The following USP40 variants were observed in gnomAD, a reference collection of about 807,000 sequenced individuals.
The protein encoded by USP40 is ubiquitin specific peptidase 40.
A neutral mutation model predicts 166.2 loss-of-function variants in USP40; 143 were observed. The observed-to-expected ratio is 0.86, with a 90% confidence interval of 0.75 to 0.99. USP40 has a LOEUF of 0.99. Ranked by LOEUF, USP40 falls within the 50% of genes least tolerant of loss-of-function variation. USP40 has a pLI of 0.00. For missense variants in USP40, 1,444 were observed against 1,479.7 expected, an observed-to-expected ratio of 0.98 and a Z score of 0.40; for synonymous variants, 498 against 524.0, an observed-to-expected ratio of 0.95 and a Z score of 0.68.
intron 8 of USP40, among the ~76,000 whole-genome samples, chr2:233,543,284 A>G (rs1013820603): frequency 1.3e-5 from 2 of 152,218 alleles, no homozygotes; most frequent in African/African-American, 4.8e-5. Context: ...GGCCAGATAC[A>G]ACCATCCTGC....
At chr2:233,531,994 T>C (rs570976190) in intron 11 of USP40, among the ~76,000 whole-genome samples, 1 of 152,310 alleles carries the variant, frequency 6.6e-6, no homozygotes, top group South Asian at 2.1e-4. Context: ...TTTCCATTCC[T>C]AAGTAACACA....
chr2:233,514,140 G>A (rs1419446840), intron 18 of USP40, among the ~76,000 whole-genome samples: 1 of 152,218 alleles, frequency 6.6e-6, no homozygotes, highest in Non-Finnish European at 1.5e-5. Context: ...CTACGTGCCA[G>A]GCACTGTGCT....
chr2:233,483,030 C>T (rs2064724951), intron 30 of USP40, among the ~76,000 whole-genome samples: 1 of 152,170 alleles, frequency 6.6e-6, no homozygotes, highest in African/African-American at 2.4e-5. Flanking sequence ...AGAAGATCTG[C>T]TGTCTATGCT....
At position 233,487,947 on chromosome 2, in the gene USP40, C is replaced by T. The variant is rs150548224; in HGVS notation, c.3197+292G>A. The T allele has an allele frequency of 7.4e-4, 449 of 608,330 alleles. 2 individuals are homozygous for T. In the African/African-American group the frequency reaches 7.7e-3, roughly 10 times the overall value. The allele number at this position is 608,330 out of a possible 1,614,324, so 37.7% of individuals were successfully genotyped here. On this transcript the variant is annotated intron_variant, in intron 28 of 31. Transcript: ENST00000678225. ...ATGGCAGACTGTCCGAACACACTGA[C>T]AACAGCTGCGGGTGGGCCTCTTGCT...
intron 2 of USP40, among the ~76,000 whole-genome samples, chr2:233,563,359 C>T (rs2071836429): frequency 6.6e-6 from 1 of 152,148 alleles, no homozygotes; most frequent in South Asian, 2.1e-4. Context: ...GGTGATGTGC[C>T]ACCCAATGGG....
chr2:233,565,927 A>T (rs2072102163), intron 1 of USP40, among the ~76,000 whole-genome samples: 1 of 152,206 alleles, frequency 6.6e-6, no homozygotes, highest in Admixed American at 6.5e-5. Context: ...GCACGTTCAC[A>T]TCACTAATTT....
At chr2:233,488,445 AGGGG>A in intron 27 of USP40, 141 bp from the exon 28 acceptor site, 2 of 726,982 alleles carry the variant, frequency 2.8e-6, no homozygotes, top group South Asian at 1.9e-5. Flanking sequence ...CTTTTGGAAA[AGGGG>A]AAAAAATGAG....
At position 233,542,279 on chromosome 2, in the gene USP40, T is replaced by C. The variant is rs375372505; in HGVS notation, c.1051A>G (p.Ile351Val). Residue 351 changes from isoleucine (I) to valine (V), a missense_variant, in exon 9 of 32, where the codon ATC becomes GTC. By Grantham distance (29) the Ile-to-Val change is conservative. Coordinates refer to ENST00000678225, the MANE Select transcript of USP40 (RefSeq NM_001365479.2). ...IDHPLMILKA[I>V]LLEEENNLIP... Reference sequence around the variant, plus strand: ...CACACATACTATACCTCTAATAAGATTGCTTTTAGAATCATCAGTGGATGA... The same window carrying C: ...CACACATACTATACCTCTAATAAGACTGCTTTTAGAATCATCAGTGGATGA... The C allele has an allele frequency of 7.1e-6, 11 of 1,538,626 alleles. No homozygotes were observed. The highest frequency in any genetic ancestry group is 1.4e-5 in the African/African-American group (1 of 73,562).
At chr2:233,554,919 A>G (rs149704174) in intron 5 of USP40, among the ~76,000 whole-genome samples, 3 of 152,298 alleles carry the variant, frequency 2.0e-5, no homozygotes, top group Non-Finnish European at 2.9e-5. Context: ...TGTAAACTCC[A>G]TTTCTTTATT....
rs559705179 is a variant in USP40 at position 233,558,084 on chromosome 2, T to C, written c.382-1065A>G. On this transcript the variant is annotated intron_variant, in intron 4 of 31. Coordinates refer to ENST00000678225, the MANE Select transcript of USP40 (RefSeq NM_001365479.2). ...AAAGCTGGAGGACTTCTATCTTGCCTTTTAAAATACAAGACCCTCAAGGAT... is the reference window on the plus strand; with the variant it reads ...AAAGCTGGAGGACTTCTATCTTGCCCTTTAAAATACAAGACCCTCAAGGAT... Among the ~76,000 whole-genome samples the C allele has an allele frequency of 1.4e-4, 21 of 151,244 alleles. 1 individual carries two copies. In the South Asian group the frequency reaches 4.4e-3, roughly 32 times the overall value.
chr2:233,561,280 A>T lies in USP40; in HGVS notation c.268-1356T>A, dbSNP rs1434761134. On this transcript the variant is annotated intron_variant, in intron 3 of 31. Coordinates refer to ENST00000678225, the MANE Select transcript of USP40 (RefSeq NM_001365479.2). ...GCCAAGTCAATCCTAAGCCAAAAGA[A>T]CAAAGCTGGAGGCATCACACTACCT... The T allele has an allele frequency of 2.5e-5, 35 of 1,409,516 alleles. 1 individual carries two copies. Among genetic ancestry groups the T allele is most frequent in the South Asian group, 1.5e-4 (12 of 80,202 alleles). 87.3% of individuals were successfully genotyped at this position (1,409,516 alleles called of 1,614,324 possible).
At chr2:233,498,445 T>G in intron 23 of USP40, 103 bp downstream of exon 23, 1 of 1,008,770 alleles carries the variant, frequency 9.9e-7, no homozygotes, top group South Asian at 1.6e-5. Flanking sequence ...TTGTATCCTA[T>G]AGAAAGTAAT....
At chr2:233,553,856 T>C (rs2070806103) in intron 6 of USP40, among the ~76,000 whole-genome samples, 1 of 152,254 alleles carries the variant, frequency 6.6e-6, no homozygotes, top group South Asian at 2.1e-4. Flanking sequence ...TTTTGTCTTA[T>C]ATTTTGCTTG....
chr2:233,477,740 T>C, intron 31 of USP40, among the ~76,000 whole-genome samples: 1 of 152,260 alleles, frequency 6.6e-6, no homozygotes, highest in East Asian at 1.9e-4. Flanking sequence ...GTTCAGGCTC[T>C]GGGGCTTTCT....
intron 31 of USP40, among the ~76,000 whole-genome samples, chr2:233,478,387 G>C (rs758904520): frequency 6.6e-6 from 1 of 152,170 alleles, no homozygotes; most frequent in African/African-American, 2.4e-5. Context: ...GCACTGTCTC[G>C]GAGTAGCTTG....
intron 23 of USP40, among the ~76,000 whole-genome samples, chr2:233,498,333 G>C (rs1482645468): frequency 3.3e-5 from 5 of 152,140 alleles, no homozygotes; most frequent in African/African-American, 1.2e-4. Context: ...CATGGCAAGG[G>C]GGTTTACCAC....
chr2:233,504,356 T>TA (rs970565936), intron 21 of USP40, among the ~76,000 whole-genome samples: 38 of 151,758 alleles, frequency 2.5e-4, no homozygotes, highest in African/African-American at 8.0e-4. Flanking sequence ...CTGAATGGGT[T>TA]AAAAAAAAGA....
intron 16 of USP40, 24 bp downstream of exon 16, chr2:233,523,146 C>T (rs749849479): frequency 6.3e-7 from 1 of 1,577,968 alleles, no homozygotes; most frequent in Non-Finnish European, 8.6e-7. Context: ...TTTAGAAATC[C>T]TTTTTCTCTT....
intron 13 of USP40, among the ~76,000 whole-genome samples, 163 bp downstream of exon 13, chr2:233,527,244 A>T (rs1187592681): frequency 6.6e-6 from 1 of 152,208 alleles, no homozygotes; most frequent in Non-Finnish European, 1.5e-5. Context: ...TCTCTAAAAG[A>T]CTTAGGAGAG....
Sources: allele counts gnomAD v4.1 joint callset (sites outside exome capture counted in the v4.1 genomes callset), GRCh38; gene constraint gnomAD v4.1.1; transcripts MANE v1.5; gene names NCBI Gene and HGNC (gene_info 2026-07-23, HGNC 2026-07-21).